The following MB21D2 variants were observed in gnomAD, a reference collection of about 807,000 sequenced individuals.
MB21D2 encodes the protein nucleotidyltransferase MB21D2.
Under a neutral mutation model 33.3 loss-of-function variants are expected in MB21D2, and 9 were observed. That is an observed-to-expected ratio of 0.27 (90% CI 0.16 to 0.47). MB21D2 has a LOEUF of 0.47. MB21D2 is among the 20% of genes least tolerant of loss of function. The probability of loss-of-function intolerance (pLI) is 0.99; values close to 1 mark genes in which losing one functional copy is unlikely to be tolerated. For missense variants in MB21D2, 540 were observed against 624.6 expected, an observed-to-expected ratio of 0.86 and a Z score of 1.44; for synonymous variants, 241 against 236.3, an observed-to-expected ratio of 1.02 and a Z score of -0.18.
chr3:192,820,188 G>T (rs190226424), intron 1 of MB21D2, among the ~76,000 whole-genome samples: 1 of 152,238 alleles, frequency 6.6e-6, no homozygotes, highest in Admixed American at 6.5e-5. Context: ...ATGTATAAAA[G>T]TACACACCCC....
intron 1 of MB21D2, among the ~76,000 whole-genome samples, chr3:192,839,491 T>C (rs1193275164): frequency 6.6e-6 from 1 of 152,210 alleles, no homozygotes; most frequent in Non-Finnish European, 1.5e-5. Context: ...AAGACTTAAT[T>C]GCTCCCTAAA....
intron 1 of MB21D2, among the ~76,000 whole-genome samples, chr3:192,828,641 TATATATATATATATATATATA>T (rs1712242039): frequency 5.8e-5 from 2 of 34,392 alleles, no homozygotes; most frequent in Non-Finnish European, 9.5e-5. Flanking sequence ...TATATATATA[TATATATATATATATATATATA>T]TTTTGAGACG....
chr3:192,916,098 T>TTATACATATA (rs1714458880), intron 1 of MB21D2, among the ~76,000 whole-genome samples: 1 of 139,176 alleles, frequency 7.2e-6, no homozygotes, highest in Non-Finnish European at 1.5e-5. Context: ...CTACCAGGTT[T>TTATACATATA]TATATATATA....
At chr3:192,806,257 A>C (rs1711658048) in intron 1 of MB21D2, among the ~76,000 whole-genome samples, 1 of 152,184 alleles carries the variant, frequency 6.6e-6, no homozygotes, top group Non-Finnish European at 1.5e-5. Flanking sequence ...TTCTTCCTAA[A>C]CAAGACAACA....
chr3:192,852,021 G>T (rs1348419705), intron 1 of MB21D2, among the ~76,000 whole-genome samples: 1 of 152,186 alleles, frequency 6.6e-6, no homozygotes, highest in Non-Finnish European at 1.5e-5. Flanking sequence ...GCAAACTTGG[G>T]CAAAGTTTTA....
intron 1 of MB21D2, among the ~76,000 whole-genome samples, chr3:192,884,434 T>C (rs1383972742): frequency 6.6e-6 from 1 of 151,774 alleles, no homozygotes; most frequent in Non-Finnish European, 1.5e-5. Context: ...TGGCGCGATC[T>C]AGGCTCACTG....
chr3:192,828,480 A>C (rs2108619301), intron 1 of MB21D2, among the ~76,000 whole-genome samples: 1 of 150,678 alleles, frequency 6.6e-6, no homozygotes, highest in Non-Finnish European at 1.5e-5. Flanking sequence ...TCATTTCCTC[A>C]TCTGGGGCCT....
chr3:192,807,988 T>C (rs1266698340), intron 1 of MB21D2, among the ~76,000 whole-genome samples: 1 of 152,100 alleles, frequency 6.6e-6, no homozygotes, highest in Non-Finnish European at 1.5e-5. Context: ...GGGGGCGCTT[T>C]TCTTTCCTTA....
intron 1 of MB21D2, among the ~76,000 whole-genome samples, chr3:192,892,433 C>A (rs1464467339): frequency 6.6e-6 from 1 of 152,184 alleles, no homozygotes; most frequent in African/African-American, 2.4e-5. Context: ...TAGGAGTTTG[C>A]TAAACTTCAG....
chr3:192,829,377 C>A (rs145561880), intron 1 of MB21D2, among the ~76,000 whole-genome samples: 1 of 152,146 alleles, frequency 6.6e-6, no homozygotes. Context: ...TTCTCTCAGA[C>A]GAATACCTGG....
At chr3:192,882,528 A>G (rs1018558076) in intron 1 of MB21D2, among the ~76,000 whole-genome samples, 4 of 152,174 alleles carry the variant, frequency 2.6e-5, no homozygotes, top group Non-Finnish European at 5.9e-5. Context: ...GTACTGTCTC[A>G]TAGGTGCACC....
chr3:192,917,775 G>C lies in MB21D2; in HGVS notation c.66C>G (p.Phe22Leu). Residue 22 changes from phenylalanine to leucine, a missense_variant, in exon 1 of 2, where the codon TTC becomes TTG. Coordinates refer to ENST00000392452, the MANE Select transcript of MB21D2 (RefSeq NM_178496.4). ...CTCCCGACCTGAAATCCAGCTCCGG[G>C]AACGCAGGCTTGTTGTTACAGCCCA... Reference protein sequence around the residue: ...ASLGCNNKPAFPELDFRSGAR... With the variant: ...ASLGCNNKPALPELDFRSGAR... The C allele has an allele frequency of 6.2e-7, 1 of 1,613,824 alleles. No individual in the cohort carries two copies. Among genetic ancestry groups the C allele is most frequent in the Non-Finnish European group, 8.5e-7 (1 of 1,180,020 alleles).
At chr3:192,868,334 G>A (rs1440047004) in intron 1 of MB21D2, among the ~76,000 whole-genome samples, 2 of 152,202 alleles carry the variant, frequency 1.3e-5, no homozygotes, top group Non-Finnish European at 2.9e-5. Context: ...AACACAAGAA[G>A]CAAGTGGAGC....
chr3:192,845,270 C>T (rs1025868258), intron 1 of MB21D2, among the ~76,000 whole-genome samples: 2 of 152,178 alleles, frequency 1.3e-5, no homozygotes, highest in Non-Finnish European at 2.9e-5. Flanking sequence ...TAAAAGTAAA[C>T]TCCGACCGCT....
At chr3:192,879,566 G>A (rs1356973506) in intron 1 of MB21D2, among the ~76,000 whole-genome samples, 1 of 152,224 alleles carries the variant, frequency 6.6e-6, no homozygotes, top group Non-Finnish European at 1.5e-5. Flanking sequence ...AAAAGTGATT[G>A]GAGAGGCTGT....
chr3:192,874,027 C>T (rs756329200), intron 1 of MB21D2, among the ~76,000 whole-genome samples: 1 of 152,136 alleles, frequency 6.6e-6, no homozygotes, highest in African/African-American at 2.4e-5. Context: ...TCCTAGCACA[C>T]TGAAAGTACT....
At chr3:192,802,588 T>G (rs1270827941) in intron 1 of MB21D2, among the ~76,000 whole-genome samples, 1 of 152,246 alleles carries the variant, frequency 6.6e-6, no homozygotes, top group Non-Finnish European at 1.5e-5. Context: ...TCAAATGTCA[T>G]TATGTTTTAA....
chr3:192,851,605 C>T (rs1025100465), intron 1 of MB21D2, among the ~76,000 whole-genome samples: 31 of 150,670 alleles, frequency 2.1e-4, no homozygotes, highest in African/African-American at 7.6e-4. Context: ...AGCGATTCTC[C>T]TGCCTCAGCC....
At chr3:192,877,322 A>G (rs1713452935) in intron 1 of MB21D2, among the ~76,000 whole-genome samples, 1 of 152,184 alleles carries the variant, frequency 6.6e-6, no homozygotes, top group Non-Finnish European at 1.5e-5. Flanking sequence ...ACCAAAAACA[A>G]AAAAGTTCAC....
Sources: gnomAD v4.1 joint callset for allele counts (sites outside exome capture counted in the v4.1 genomes callset) on GRCh38, gnomAD v4.1.1 for gene constraint, MANE v1.5 for transcripts, NCBI Gene and HGNC (gene_info 2026-07-23, HGNC 2026-07-21) for gene names.